CDKN2B-AS1: variants seen among roughly 807,000 people sequenced by gnomAD.
CDKN2B-AS1 encodes CDKN2B antisense RNA 1 (non-protein coding).
intron 3 of CDKN2B-AS1, among the ~76,000 whole-genome samples, chr9:22,050,592 C>T (rs1267550107): frequency 3.3e-5 from 5 of 152,182 alleles, no homozygotes; most frequent in African/African-American, 1.2e-4. Context: ...TTAGCAAGAG[C>T]TCCCAGTGAA....
chr9:22,119,283 C>T (rs1032715523), intron 4 of CDKN2B-AS1: 4 of 152,064 alleles, frequency 2.6e-5, no homozygotes, highest in African/African-American at 7.3e-5. Context: ...TTATTCAAGG[C>T]CAAGCATTCC....
In CDKN2B-AS1 at chr9:22,101,917, G is replaced by A. The variant is rs574940980; in HGVS notation, n.439-25186G>A. On this transcript the variant is annotated intron_variant and non_coding_transcript_variant, in intron 4 of 4. Coordinates refer to ENST00000650946, the Ensembl canonical transcript of CDKN2B-AS1. ...GACAACATGGCCATGTTCTTGGTTC[G>A]GTCATGAACTGTCTATGGCACATAC... Among the ~76,000 whole-genome samples, 332 of 152,180 alleles carry A rather than the reference G, an allele frequency of 2.2e-3. 3 individuals are homozygous for A. Among genetic ancestry groups the A allele is most frequent in the African/African-American group, 7.6e-3 (316 of 41,506 alleles).
chr9:22,008,737 G>C lies in CDKN2B-AS1; in HGVS notation n.29+13576G>C, dbSNP rs200266212. On this transcript the variant is annotated intron_variant and non_coding_transcript_variant, in intron 1 of 4. Coordinates refer to ENST00000650946, the Ensembl canonical transcript of CDKN2B-AS1. ...GCGATCTAGGTTCCAGCCCCGATCC[G>C]CCGAGGCCGCGCCCCGCGTTCGCGC... The C allele has an allele frequency of 1.3e-4, 202 of 1,610,586 alleles. No individual in the cohort carries two copies. In the East Asian group the frequency reaches 4.2e-3, roughly 33 times the overall value.
In CDKN2B-AS1 at chr9:22,006,377, C is replaced by A. The variant is rs1587382686; in HGVS notation, n.29+11216C>A. On this transcript the variant is annotated intron_variant and non_coding_transcript_variant, in intron 1 of 4. Coordinates refer to ENST00000650946, the Ensembl canonical transcript of CDKN2B-AS1. The surrounding 1 kb of genome is among the most constrained non-coding windows in gnomAD (Gnocchi z 6.4). The stretch of plus-strand genomic sequence containing the variant: ...AGTTTTCACCCAGTGCAGAGGTGTT[C>A]AGGTCTCTGATGTCTGGTGTTTCTT... 17 of 1,268,444 alleles carry A rather than the reference C, an allele frequency of 1.3e-5. No homozygotes were observed. The East Asian group carries it at 3.8e-4, about 28-fold the overall frequency. The allele number at this position is 1,268,444 out of a possible 1,614,324, so 78.6% of individuals were successfully genotyped here.
chr9:22,060,292 C>G (rs1313169776), intron 4 of CDKN2B-AS1, among the ~76,000 whole-genome samples: 1 of 152,186 alleles, frequency 6.6e-6, no homozygotes, highest in Non-Finnish European at 1.5e-5. Context: ...GAAATTTCTT[C>G]CGCCAAATAC....
In CDKN2B-AS1 at chr9:22,081,351, C is replaced by T. The variant is rs528324678; in HGVS notation, n.438+24964C>T. Among the ~76,000 whole-genome samples, 6 of 147,228 alleles carry T rather than the reference C, an allele frequency of 4.1e-5. No individual in the cohort carries two copies. In the South Asian group the frequency reaches 6.4e-4, roughly 16 times the overall value. On this transcript the variant is annotated intron_variant and non_coding_transcript_variant, in intron 4 of 4. Coordinates refer to ENST00000650946, the Ensembl canonical transcript of CDKN2B-AS1. Reference sequence around the variant, plus strand: ...GTATTTTGAATTAACTCTCTAGAATCGATTCTTGGGGAGGTTATTTACTTT... The same window carrying T: ...GTATTTTGAATTAACTCTCTAGAATTGATTCTTGGGGAGGTTATTTACTTT...
chr9:22,009,120 G>T, intron 1 of CDKN2B-AS1: 1 of 979,302 alleles, frequency 1.0e-6, no homozygotes, highest in Non-Finnish European at 1.5e-6. Context: ...TTGGGGCCCC[G>T]TGCAGTGGCC....
At chr9:22,070,987 T>G (rs1444889651) in intron 4 of CDKN2B-AS1, among the ~76,000 whole-genome samples, 1 of 152,068 alleles carries the variant, frequency 6.6e-6, no homozygotes, top group Non-Finnish European at 1.5e-5. Flanking sequence ...AGGGACACAG[T>G]GGACCAATGG....
chr9:22,015,078 A>C (rs1821682116), intron 1 of CDKN2B-AS1, among the ~76,000 whole-genome samples: 1 of 152,122 alleles, frequency 6.6e-6, no homozygotes, highest in Admixed American at 6.5e-5. Context: ...ATACGTGTGC[A>C]TGTGTCTTTA....
chr9:22,012,089 T>G, intron 1 of CDKN2B-AS1: 1 of 693,846 alleles, frequency 1.4e-6, no homozygotes, highest in South Asian at 1.7e-5. Flanking sequence ...GACCTTGATA[T>G]AGAAGTATGA....
chr9:22,112,148 T>C (rs761584129), intron 4 of CDKN2B-AS1: 1 of 152,210 alleles, frequency 6.6e-6, no homozygotes. Flanking sequence ...AGAAGAAACA[T>C]ACTGGTTAAT....
At chr9:22,012,374 C>A in intron 1 of CDKN2B-AS1, 1 of 975,916 alleles carries the variant, frequency 1.0e-6, no homozygotes, top group Non-Finnish European at 1.7e-6. Context: ...GCTGCACCTG[C>A]GAGGTGGCAT....
intron 1 of CDKN2B-AS1, among the ~76,000 whole-genome samples, chr9:22,029,102 G>A (rs1479805980): frequency 1.3e-5 from 2 of 151,466 alleles, no homozygotes; most frequent in Non-Finnish European, 2.9e-5. Context: ...CTTCTTTCTA[G>A]AAGAATAGCA....
chr9:22,071,400 G>A (rs929083663), intron 4 of CDKN2B-AS1, among the ~76,000 whole-genome samples: 3 of 144,066 alleles, frequency 2.1e-5, no homozygotes, highest in Non-Finnish European at 3.0e-5. Flanking sequence ...GCATCTACAT[G>A]TGAGGGCCTA....
chr9:22,102,109 A>G (rs1825504959), intron 4 of CDKN2B-AS1, among the ~76,000 whole-genome samples: 1 of 152,176 alleles, frequency 6.6e-6, no homozygotes, highest in Admixed American at 6.5e-5. Flanking sequence ...AAAATTTGAT[A>G]AAAATGGGAA....
At chr9:21,998,572 C>A (rs755397684) in intron 1 of CDKN2B-AS1, among the ~76,000 whole-genome samples, 13 of 152,158 alleles carry the variant, frequency 8.5e-5, no homozygotes, top group Non-Finnish European at 1.3e-4. Flanking sequence ...GACAGAATCA[C>A]TGAATATTGG....
chr9:22,108,606 G>C (rs1322041968), intron 4 of CDKN2B-AS1, among the ~76,000 whole-genome samples: 1 of 152,156 alleles, frequency 6.6e-6, no homozygotes, highest in Non-Finnish European at 1.5e-5. Context: ...TTTGCACACT[G>C]AATTATTCCT....
At chr9:22,089,255 A>G (rs1230463247) in intron 4 of CDKN2B-AS1, among the ~76,000 whole-genome samples, 1 of 152,200 alleles carries the variant, frequency 6.6e-6, no homozygotes, top group Non-Finnish European at 1.5e-5. Context: ...TCTTTGGAGC[A>G]AATTTCAGTG....
intron 4 of CDKN2B-AS1, among the ~76,000 whole-genome samples, chr9:22,109,325 G>A (rs910458632): frequency 1.1e-4 from 16 of 152,188 alleles, no homozygotes; most frequent in Admixed American, 5.2e-4. Flanking sequence ...CCACATAAGG[G>A]TTGAGGGGAT....
Sources: allele counts gnomAD v4.1 joint callset (sites outside exome capture counted in the v4.1 genomes callset), GRCh38; gene constraint gnomAD v4.1.1; non-coding constraint Gnocchi (gnomAD v3.1); transcripts MANE v1.5; gene names NCBI Gene and HGNC (gene_info 2026-07-23, HGNC 2026-07-21).